MYO3A: variants seen among roughly 807,000 people sequenced by gnomAD.
MYO3A encodes the protein myosin IIIA.
MYO3A carries 180 observed loss-of-function variants against 192.7 expected under a neutral mutation model. That is an observed-to-expected ratio of 0.93 (90% CI 0.83 to 1.06). The LOEUF (loss-of-function observed/expected upper bound fraction) is 1.06. Ranked by LOEUF, MYO3A falls within the 50% of genes least tolerant of loss-of-function variation. The probability of loss-of-function intolerance (pLI) is 0.00; values close to 1 mark genes in which losing one functional copy is unlikely to be tolerated. For synonymous variants in MYO3A, 628 were observed against 645.3 expected, an observed-to-expected ratio of 0.97 and a Z score of 0.41; for missense variants, 1,896 against 1,905.0, an observed-to-expected ratio of 1.00 and a Z score of 0.09.
At chr10:26,141,571 C>A (rs1473456929) in intron 20 of MYO3A, among the ~76,000 whole-genome samples, 1 of 152,112 alleles carries the variant, frequency 6.6e-6, no homozygotes. Context: ...TTAGTTTAGA[C>A]CTTAACCTCG....
At chr10:26,129,474 C>G (rs192757035) in intron 20 of MYO3A, among the ~76,000 whole-genome samples, 1 of 152,170 alleles carries the variant, frequency 6.6e-6, no homozygotes, top group Admixed American at 6.5e-5. Context: ...CCTAGATATG[C>G]GAAGAAATAT....
intron 10 of MYO3A, among the ~76,000 whole-genome samples, chr10:26,041,891 C>A (rs1461237523): frequency 1.3e-5 from 2 of 151,888 alleles, no homozygotes; most frequent in African/African-American, 4.8e-5. Flanking sequence ...TGTGTTTTTC[C>A]TTGTACTTAC....
At position 26,149,359 on chromosome 10, in the gene MYO3A, C is replaced by T. The variant is rs970938591; in HGVS notation, c.2635+1800C>T. On this transcript the variant is annotated intron_variant, in intron 23 of 34. Transcript: ENST00000642920. ...AAGAGATTCTCCTACTCCAGCCTTC[C>T]GAGTAGCTGGGATTACAGGCGTGCA... 3.3e-5 allele frequency among the ~76,000 whole-genome samples: 5 copies of T among 152,000 alleles called. No individual in the cohort carries two copies. The East Asian group carries it at 5.8e-4, about 18-fold the overall frequency.
At chr10:26,209,002 TA>T (rs1047857751) in intron 34 of MYO3A, among the ~76,000 whole-genome samples, 3 of 152,216 alleles carry the variant, frequency 2.0e-5, no homozygotes, top group Non-Finnish European at 4.4e-5. Context: ...TACATTTCCC[TA>T]AAAATTCCTT....
intron 14 of MYO3A, among the ~76,000 whole-genome samples, chr10:26,080,205 G>A (rs1835830780): frequency 1.3e-5 from 2 of 152,104 alleles, no homozygotes; most frequent in African/African-American, 4.8e-5. Flanking sequence ...ATTTCTTGGA[G>A]GCTTTGTTCA....
intron 5 of MYO3A, among the ~76,000 whole-genome samples, chr10:25,996,872 C>A (rs1441954988): frequency 6.6e-6 from 1 of 151,956 alleles, no homozygotes. Flanking sequence ...GGTTTTTTGG[C>A]CATTATCTTA....
chr10:26,068,736 TAAG>T (rs1305021464), intron 11 of MYO3A, 29 bp from the exon 12 acceptor site: 26 of 1,396,444 alleles, frequency 1.9e-5, no homozygotes, highest in Non-Finnish European at 2.5e-5. Context: ...AAATAATTTT[TAAG>T]AAGGAGAAAT....
chr10:26,207,257 G>A (rs1394215840), intron 34 of MYO3A, among the ~76,000 whole-genome samples: 1 of 151,724 alleles, frequency 6.6e-6, no homozygotes, highest in East Asian at 1.9e-4. Flanking sequence ...TGCTTTTGTT[G>A]CCAGTGCTTT....
intron 4 of MYO3A, among the ~76,000 whole-genome samples, chr10:25,990,703 T>G (rs903459453): frequency 1.6e-5 from 2 of 127,722 alleles, no homozygotes; most frequent in East Asian, 4.7e-4. Flanking sequence ...GATGTTCCCC[T>G]TCCTGTGTCC....
At chr10:26,169,128 T>G (rs140874725) in intron 28 of MYO3A, among the ~76,000 whole-genome samples, 133 of 152,292 alleles carry the variant, frequency 8.7e-4, no homozygotes, top group African/African-American at 3.2e-3. Flanking sequence ...TGACCTATTG[T>G]GGAAGATATA....
intron 4 of MYO3A, among the ~76,000 whole-genome samples, chr10:25,957,863 T>A (rs1837658113): frequency 6.6e-6 from 1 of 152,214 alleles, no homozygotes. Context: ...GCTTTTTTCA[T>A]ATGCTATTGG....
chr10:26,115,630 C>G (rs559040144), intron 17 of MYO3A, among the ~76,000 whole-genome samples: 3 of 152,186 alleles, frequency 2.0e-5, no homozygotes, highest in Non-Finnish European at 4.4e-5. Flanking sequence ...ATAAACATAA[C>G]TTTACATTGC....
chr10:25,993,431 T>C (rs1325436761), intron 4 of MYO3A, among the ~76,000 whole-genome samples: 1 of 152,048 alleles, frequency 6.6e-6, no homozygotes, highest in Non-Finnish European at 1.5e-5. Flanking sequence ...TAGTGGTCTA[T>C]TGATGATTTT....
intron 25 of MYO3A, among the ~76,000 whole-genome samples, chr10:26,156,770 G>A (rs1841153202): frequency 6.6e-6 from 1 of 152,078 alleles, no homozygotes. Flanking sequence ...GAGGTTTGTT[G>A]AACAGATTAT....
At chr10:26,018,469 C>T (rs898608045) in intron 7 of MYO3A, among the ~76,000 whole-genome samples, 19 of 151,916 alleles carry the variant, frequency 1.3e-4, no homozygotes, top group African/African-American at 4.6e-4. Context: ...AATATATTCA[C>T]CATAATGGCA....
intron 17 of MYO3A, among the ~76,000 whole-genome samples, chr10:26,102,660 G>A (rs1588959689): frequency 6.6e-6 from 1 of 152,168 alleles, no homozygotes; most frequent in African/African-American, 2.4e-5. Context: ...ATTTGCTGGA[G>A]GTCCCCTCCA....
chr10:25,967,968 C>G (rs928132390), intron 4 of MYO3A, among the ~76,000 whole-genome samples: 4 of 152,112 alleles, frequency 2.6e-5, no homozygotes, highest in African/African-American at 9.7e-5. Flanking sequence ...AGTAGTCTCA[C>G]CTATGTGTCA....
At chr10:25,998,691 TC>T (rs1840600874) in intron 6 of MYO3A, among the ~76,000 whole-genome samples, 1 of 152,118 alleles carries the variant, frequency 6.6e-6, no homozygotes, top group Non-Finnish European at 1.5e-5. Context: ...ACAATTCCCT[TC>T]CTCTAAAAAA....
intron 17 of MYO3A, among the ~76,000 whole-genome samples, chr10:26,104,866 T>TACACACAC (rs60219721): frequency 3.6e-4 from 53 of 148,144 alleles, no homozygotes; most frequent in Non-Finnish European, 4.8e-4. Context: ...TGTTTATAGA[T>TACACACAC]ACACACACAC....
Sources: allele counts gnomAD v4.1 joint callset (sites outside exome capture counted in the v4.1 genomes callset), GRCh38; gene constraint gnomAD v4.1.1; transcripts MANE v1.5; gene names NCBI Gene and HGNC (gene_info 2026-07-23, HGNC 2026-07-21).